The following VTI1A variants were observed in gnomAD, a reference collection of about 807,000 sequenced individuals.
VTI1A encodes vesicle transport through interaction with t-SNAREs homolog 1A.
A neutral mutation model predicts 34.9 loss-of-function variants in VTI1A; 22 were observed. The ratio of observed to expected loss-of-function variants is 0.63; its 90% CI spans 0.45 to 0.90. The LOEUF (loss-of-function observed/expected upper bound fraction) is 0.90, where lower values mean the gene tolerates loss of function less well. VTI1A is among the 40% of genes least tolerant of loss of function. The pLI is 0.00. For synonymous variants in VTI1A, 87 were observed against 97.3 expected (o/e 0.89, Z 0.62); for missense variants, 268 against 275.6 (o/e 0.97, Z 0.20).
At chr10:112,629,672 C>T (rs1846059367) in intron 5 of VTI1A, among the ~76,000 whole-genome samples, 1 of 152,352 alleles carries the variant, frequency 6.6e-6, no homozygotes, top group East Asian at 1.9e-4. Flanking sequence ...AGTAATTAAA[C>T]ATTTTTAACT....
chr10:112,730,882 A>T (rs1030123506), intron 7 of VTI1A, among the ~76,000 whole-genome samples: 1 of 152,258 alleles, frequency 6.6e-6, no homozygotes, highest in African/African-American at 2.4e-5. Flanking sequence ...ATATTTTATA[A>T]TAAAAATTCT....
intron 5 of VTI1A, among the ~76,000 whole-genome samples, chr10:112,623,586 C>G (rs956594610): frequency 1.3e-5 from 2 of 151,948 alleles, no homozygotes; most frequent in African/African-American, 4.8e-5. Flanking sequence ...TACTGTGTGG[C>G]CAGGGGCACA....
At chr10:112,597,842 C>T (rs1589955477) in intron 5 of VTI1A, among the ~76,000 whole-genome samples, 1 of 151,580 alleles carries the variant, frequency 6.6e-6, no homozygotes, top group South Asian at 2.1e-4. Flanking sequence ...GGACCACAGG[C>T]GCCCGCCACC....
At chr10:112,598,638 A>G (rs1265366759) in intron 5 of VTI1A, among the ~76,000 whole-genome samples, 2 of 152,186 alleles carry the variant, frequency 1.3e-5, no homozygotes, top group Non-Finnish European at 2.9e-5. Flanking sequence ...CCTTGCTTTG[A>G]TAGTTCATAA....
chr10:112,653,694 C>A (rs562293998), intron 5 of VTI1A, among the ~76,000 whole-genome samples: 46 of 152,154 alleles, frequency 3.0e-4, no homozygotes, highest in African/African-American at 1.0e-3. Context: ...AATAGTAGCC[C>A]AAAATAAAAA....
intron 7 of VTI1A, among the ~76,000 whole-genome samples, chr10:112,724,958 T>G (rs1473255263): frequency 6.6e-6 from 1 of 152,210 alleles, no homozygotes; most frequent in African/African-American, 2.4e-5. Flanking sequence ...GTTAGAGTGT[T>G]TTAAAGCAAA....
rs1387232668 is a variant in VTI1A at position 112,816,399 on chromosome 10, C to A, written c.*1016C>A. The stretch of plus-strand genomic sequence containing the variant: ...CACCAGAGATAAACTTCACGGAAAA[C>A]GTTCCCTAACCTCCTTTAAAAGAAT... On this transcript the variant is annotated 3_prime_UTR_variant, in exon 8 of 8. Transcript: ENST00000393077. The A allele has an allele frequency of 8.9e-6, 2 of 223,912 alleles. No individual in the cohort carries two copies. The highest frequency in any genetic ancestry group is 1.3e-4 in the East Asian group (2 of 15,426). 13.9% of individuals were successfully genotyped at this position (223,912 alleles called of 1,614,324 possible).
chr10:112,620,750 A>AT (rs1845704978), intron 5 of VTI1A, among the ~76,000 whole-genome samples: 2 of 151,450 alleles, frequency 1.3e-5, no homozygotes, highest in South Asian at 4.2e-4. Flanking sequence ...AGATCATGCC[A>AT]TTGCACTCCA....
intron 4 of VTI1A, among the ~76,000 whole-genome samples, chr10:112,529,281 T>C (rs957741553): frequency 1.3e-5 from 2 of 152,168 alleles, no homozygotes; most frequent in Admixed American, 6.5e-5. Flanking sequence ...CGTTACCAAA[T>C]GTAGCAAAGT....
At chr10:112,750,214 G>A (rs181613718) in intron 7 of VTI1A, among the ~76,000 whole-genome samples, 1 of 151,824 alleles carries the variant, frequency 6.6e-6, no homozygotes, top group Non-Finnish European at 1.5e-5. Flanking sequence ...TTTGAGGTAG[G>A]GTCTCACTCT....
At chr10:112,663,561 T>C (rs1169197277) in intron 5 of VTI1A, among the ~76,000 whole-genome samples, 7 of 152,238 alleles carry the variant, frequency 4.6e-5, no homozygotes, top group African/African-American at 1.7e-4. Context: ...AAGAACTCTC[T>C]TTTCCATTGT....
rs564265769 is a variant in VTI1A, at chr10:112,705,936, A to G, written c.560+36938A>G. Among the ~76,000 whole-genome samples the G allele has an allele frequency of 2.6e-5, 4 of 152,040 alleles. No homozygotes were observed. The South Asian group carries it at 8.3e-4, about 32-fold the overall frequency. On this transcript the variant is annotated intron_variant, in intron 7 of 7. Transcript: ENST00000393077. ...GTCTACGATTGTCATTTGAAAAAAA[A>G]AATTCTTTTGTCGTTGTTGTTTTTG...
At chr10:112,651,074 G>A (rs1846996509) in intron 5 of VTI1A, among the ~76,000 whole-genome samples, 1 of 152,018 alleles carries the variant, frequency 6.6e-6, no homozygotes. Flanking sequence ...ATGCTGTGTG[G>A]CTTAACCAAC....
At chr10:112,776,587 C>A (rs1352712684) in intron 7 of VTI1A, among the ~76,000 whole-genome samples, 1 of 152,138 alleles carries the variant, frequency 6.6e-6, no homozygotes, top group Non-Finnish European at 1.5e-5. Flanking sequence ...CTCCTCATCC[C>A]CCAGGATGCA....
rs76092879 is a variant in VTI1A, at chr10:112,549,483, G to A, written c.427+11153G>A. Among the ~76,000 whole-genome samples the A allele has an allele frequency of 6.8e-3, 1,034 of 152,248 alleles. 18 individuals are homozygous for A. Among genetic ancestry groups the A allele is most frequent in the African/African-American group, 0.023 (947 of 41,554 alleles). ...AGAAAGGCACTATGGTGTCCAAATT[G>A]TTGCGAAAATAACAAATTAACACTT... On this transcript the variant is annotated intron_variant, in intron 5 of 7. Transcript: ENST00000393077.
At chr10:112,476,407 T>C (rs908426226) in intron 3 of VTI1A, among the ~76,000 whole-genome samples, 3 of 152,210 alleles carry the variant, frequency 2.0e-5, no homozygotes, top group Non-Finnish European at 4.4e-5. Flanking sequence ...TCATGTATGG[T>C]ATACTATTAC....
chr10:112,762,062 T>C lies in VTI1A; in HGVS notation c.561-53228T>C, dbSNP rs562580079. Among the ~76,000 whole-genome samples, 9 of 152,338 alleles carry C rather than the reference T, an allele frequency of 5.9e-5. No individual in the cohort carries two copies. In the East Asian group the frequency reaches 1.2e-3, roughly 20 times the overall value. ...ATACATTACAGTTTCATTTACTAGA[T>C]TTTATTTAAAATCTCTCTTAAATAA... On this transcript the variant is annotated intron_variant, in intron 7 of 7. Coordinates refer to ENST00000393077, the MANE Select transcript of VTI1A (RefSeq NM_145206.4).
intron 5 of VTI1A, among the ~76,000 whole-genome samples, chr10:112,546,929 T>TA (rs1229206608): frequency 6.6e-6 from 1 of 152,180 alleles, no homozygotes; most frequent in African/African-American, 2.4e-5. Context: ...TTTTAAAAAA[T>TA]AAAAATACGG....
rs545794132 is a variant in VTI1A, at chr10:112,785,552, G to A, written c.561-29738G>A. 4.6e-5 allele frequency among the ~76,000 whole-genome samples: 7 copies of A among 152,226 alleles called. 1 individual carries two copies. The South Asian group carries it at 6.2e-4, about 14-fold the overall frequency. ...ATTTTTAATTTTATGGATCATGCTT[G>A]TAGTGGTTTACCTAAAAATCTTTGC... On this transcript the variant is annotated intron_variant, in intron 7 of 7. Transcript: ENST00000393077.
Sources: gnomAD v4.1 joint callset for allele counts (sites outside exome capture counted in the v4.1 genomes callset) on GRCh38, gnomAD v4.1.1 for gene constraint, MANE v1.5 for transcripts, NCBI Gene and HGNC (gene_info 2026-07-23, HGNC 2026-07-21) for gene names.